THSD4: variants seen among roughly 807,000 people sequenced by gnomAD.
The protein encoded by THSD4 is thrombospondin type-1 domain-containing protein 4.
THSD4 carries 69 observed loss-of-function variants against 119.0 expected under a neutral mutation model. The ratio of observed to expected loss-of-function variants is 0.58; its 90% CI spans 0.48 to 0.71. The LOEUF (loss-of-function observed/expected upper bound fraction) is 0.71. Among genes scored for constraint, THSD4 ranks in the 30% least tolerant of loss-of-function variants. The pLI, the probability that THSD4 is intolerant of heterozygous loss-of-function variation, is 0.00. For synonymous variants in THSD4, 524 were observed against 540.4 expected, an observed-to-expected ratio of 0.97 and a Z score of 0.42; for missense variants, 1,393 against 1,391.1, an observed-to-expected ratio of 1.00 and a Z score of -0.02.
intron 7 of THSD4, among the ~76,000 whole-genome samples, chr15:71,481,764 AG>A (rs1193767171): frequency 1.3e-5 from 2 of 152,216 alleles, no homozygotes; most frequent in African/African-American, 4.8e-5. Context: ...TATTGGCTAG[AG>A]TATTATTTTC....
chr15:71,309,720 C>A (rs1270942969), intron 6 of THSD4, among the ~76,000 whole-genome samples: 1 of 152,178 alleles, frequency 6.6e-6, no homozygotes, highest in African/African-American at 2.4e-5. Context: ...GTTGTCCAAC[C>A]ACAATTTGTT....
intron 6 of THSD4, chr15:71,341,525 T>A (rs757956844): frequency 1.2e-6 from 2 of 1,612,034 alleles, no homozygotes; most frequent in Admixed American, 3.3e-5. Flanking sequence ...TCCACCGTTG[T>A]AATGTCGGAA....
Position 71,115,743 on chromosome 15 carries a change from C to A in THSD4, c.-80+45C>A, listed in dbSNP as rs974476473. On this transcript the variant is annotated intron_variant, in intron 1 of 17. Coordinates refer to ENST00000261862, the MANE Select transcript of THSD4 (RefSeq NM_024817.3). The surrounding 1 kb of genome is among the most constrained non-coding windows in gnomAD (Gnocchi z 4.4). ...CCGCGTCCCCTGCGCGCCGCCCGCG[C>A]GGCCCCGACCCGGCTTCCGCTGCCC... The A allele has an allele frequency of 6.7e-6, 1 of 148,260 alleles. No individual in the cohort carries two copies. Among genetic ancestry groups the A allele is most frequent in the African/African-American group, 2.4e-5 (1 of 41,062 alleles). The allele number at this position is 148,260 out of a possible 1,614,324, so 9.2% of individuals were successfully genotyped here. A position where few individuals can be genotyped will look rare whatever the true frequency, so the allele number is the denominator to read the frequency against.
intron 7 of THSD4, among the ~76,000 whole-genome samples, chr15:71,655,411 A>T (rs2051170019): frequency 1.3e-5 from 2 of 152,128 alleles, no homozygotes; most frequent in African/African-American, 2.4e-5. Flanking sequence ...TCTGACTAAG[A>T]AGTAGTAGAA....
At chr15:71,356,423 A>G (rs2045811772) in intron 6 of THSD4, among the ~76,000 whole-genome samples, 1 of 152,210 alleles carries the variant, frequency 6.6e-6, no homozygotes, top group Non-Finnish European at 1.5e-5. Flanking sequence ...GCCTGTCTTC[A>G]GCCTCAGTGG....
chr15:71,466,344 CAAA>C (rs66981958), intron 7 of THSD4, among the ~76,000 whole-genome samples: 37 of 117,408 alleles, frequency 3.2e-4, no homozygotes, highest in Middle Eastern at 9.3e-3. Context: ...GACTCCATCT[CAAA>C]AAAAAAAAAA....
intron 5 of THSD4, among the ~76,000 whole-genome samples, chr15:71,252,469 G>A (rs938060014): frequency 9.8e-5 from 15 of 152,336 alleles, no homozygotes; most frequent in African/African-American, 2.6e-4. Flanking sequence ...TCCTCACTCC[G>A]CAGCTCCCTG....
At chr15:71,098,514 T>C (rs556499403) in intron 1 of THSD4, among the ~76,000 whole-genome samples, 16 of 152,308 alleles carry the variant, frequency 1.1e-4, no homozygotes, top group Non-Finnish European at 1.9e-4. Flanking sequence ...TTGGCCTGCC[T>C]TGGCCTCCCA....
At chr15:71,114,629 T>C (rs1596204363), upstream of THSD4, among the ~76,000 whole-genome samples, 1 of 152,284 alleles carries the variant, frequency 6.6e-6, no homozygotes, top group Non-Finnish European at 1.5e-5. Flanking sequence ...TTCCCTCCAT[T>C]AACTAAACGC....
rs541633963 is a variant in THSD4 at position 71,249,427 on chromosome 15, T to C, written c.912+6331T>C. On this transcript the variant is annotated intron_variant, in intron 5 of 17. Transcript: ENST00000261862. ...TATTGACTTCATATATATATATATATACACACACATTTATATACACAAGAA... is the reference window on the plus strand; with the variant it reads ...TATTGACTTCATATATATATATATACACACACACATTTATATACACAAGAA... 6.3e-3 allele frequency among the ~76,000 whole-genome samples: 930 copies of C among 148,618 alleles called. 16 individuals carry two copies. Among genetic ancestry groups the C allele is most frequent in the Non-Finnish European group, 8.3e-3 (559 of 67,446 alleles).
Position 71,302,890 on chromosome 15 carries a change from T to G in THSD4, c.1015+46175T>G, listed in dbSNP as rs1200869233. Among the ~76,000 whole-genome samples, 10 of 152,140 alleles carry G rather than the reference T, an allele frequency of 6.6e-5. 1 individual carries two copies. The South Asian group carries it at 1.9e-3, about 29-fold the overall frequency. ...CCTACAACCCCCTGCCACTCAACAT[T>G]ATGCAGAGGGCCCAGGAGGGTCTTG... On this transcript the variant is annotated intron_variant, in intron 6 of 17. Coordinates refer to ENST00000261862, the MANE Select transcript of THSD4 (RefSeq NM_024817.3).
chr15:71,551,971 A>G (rs2048938156), intron 7 of THSD4, among the ~76,000 whole-genome samples: 1 of 152,244 alleles, frequency 6.6e-6, no homozygotes, highest in Non-Finnish European at 1.5e-5. Context: ...CCAGCCTTGT[A>G]AGCAGATCTT....
At chr15:71,708,172 G>A (rs1226778571) in intron 8 of THSD4, among the ~76,000 whole-genome samples, 1 of 152,220 alleles carries the variant, frequency 6.6e-6, no homozygotes, top group African/African-American at 2.4e-5. Context: ...GATTGGGACT[G>A]CAGTCTGTGA....
At chr15:71,609,106 G>A (rs11854845) in intron 7 of THSD4, among the ~76,000 whole-genome samples, 107,890 of 152,034 alleles carry the variant, frequency 0.71, 38,847 homozygotes, top group East Asian at 0.99. Context: ...ACCAGCTGAC[G>A]CCAGAGAACT....
intron 8 of THSD4, among the ~76,000 whole-genome samples, chr15:71,671,050 GAATTGCCACACTGTCTTCCAC>G (rs909257326): frequency 5.3e-5 from 8 of 152,168 alleles, no homozygotes; most frequent in African/African-American, 1.9e-4. Context: ...GATCCTTGAG[GAATTGCCACACTGTCTTCCAC>G]AATGGTTGAA....
rs2053811953 is a variant in THSD4, at chr15:71,770,967, T to C, written c.2770-97T>C. ...GTTTGTTTTCATATTCTGTCTCCTT[T>C]TGGAAATGTTTGAGATTTTCCAGTG... On this transcript the variant is annotated intron_variant, in intron 16 of 17. Transcript: ENST00000261862. 4.0e-6 allele frequency: 6 copies of C among 1,518,028 alleles called. No individual in the cohort carries two copies. In the South Asian group the frequency reaches 6.6e-5, roughly 17 times the overall value. The allele number at this position is 1,518,028 out of a possible 1,614,324, so 94.0% of individuals were successfully genotyped here. A position where few individuals can be genotyped will look rare whatever the true frequency, so the allele number is the denominator to read the frequency against.
intron 8 of THSD4, among the ~76,000 whole-genome samples, chr15:71,703,460 C>T (rs1258527250): frequency 1.3e-5 from 2 of 152,194 alleles, no homozygotes; most frequent in African/African-American, 4.8e-5. Flanking sequence ...TGTCCATTGG[C>T]ATCTTAATGT....
intron 7 of THSD4, among the ~76,000 whole-genome samples, chr15:71,653,563 A>G (rs1159401286): frequency 6.6e-6 from 1 of 152,170 alleles, no homozygotes; most frequent in Non-Finnish European, 1.5e-5. Context: ...AACCCCCATA[A>G]GAAAGACCTT....
At chr15:71,326,208 G>A (rs181206101) in intron 6 of THSD4, among the ~76,000 whole-genome samples, 222 of 152,150 alleles carry the variant, frequency 1.5e-3, no homozygotes, top group Non-Finnish European at 2.7e-3. Context: ...TGGTTTCCTC[G>A]TTCACAATGT....
Sources: allele counts gnomAD v4.1 joint callset (sites outside exome capture counted in the v4.1 genomes callset), GRCh38; gene constraint gnomAD v4.1.1; non-coding constraint Gnocchi (gnomAD v3.1); transcripts MANE v1.5; gene names NCBI Gene and HGNC (gene_info 2026-07-23, HGNC 2026-07-21).